Variants in RDX observed in about 807,000 individuals in gnomAD.
RDX encodes radixin.
A neutral mutation model predicts 83.7 loss-of-function variants in RDX; 32 were observed. That is an observed-to-expected ratio of 0.38 (90% CI 0.29 to 0.51). The LOEUF is 0.51. Among genes scored for constraint, RDX ranks in the 20% least tolerant of loss-of-function variants. The pLI is 0.87. For missense variants in RDX, 600 were observed against 689.9 expected (o/e 0.87, Z 1.46); for synonymous variants, 229 against 222.7 (o/e 1.03, Z -0.25).
At chr11:110,199,669 G>A in exon 15 of RDX, 1 of 702,998 alleles carries the variant, frequency 1.4e-6, no homozygotes, top group Non-Finnish European at 2.6e-6. Context: ...CATACAGTTT[G>A]GGTCCCCACC....
chr11:110,278,377 T>C (rs898060693), intron 2 of RDX, among the ~76,000 whole-genome samples: 1 of 152,164 alleles, frequency 6.6e-6, no homozygotes, highest in African/African-American at 2.4e-5. Flanking sequence ...AACACTTTTA[T>C]GGAGAACTGA....
downstream of RDX, among the ~76,000 whole-genome samples, chr11:110,226,191 A>G (rs1864430292): frequency 6.6e-6 from 1 of 152,238 alleles, no homozygotes. Flanking sequence ...TGTTCAAAGC[A>G]GCAATATTCA....
At chr11:110,292,740 T>TCAAGA (rs1861296865) in intron 1 of RDX, among the ~76,000 whole-genome samples, 1 of 152,094 alleles carries the variant, frequency 6.6e-6, no homozygotes, top group South Asian at 2.1e-4. Context: ...TACTAATAGC[T>TCAAGA]TTATAAATTC....
In RDX at chr11:110,180,159, C is replaced by T. The variant is rs11826652; in HGVS notation, c.*32-4925G>A. The stretch of plus-strand genomic sequence containing the variant: ...TCAAGTGATCTACCTGCCTTGGCCT[C>T]CCAAAGTGCTGAGATTACAGGCATG... On this transcript the variant is annotated intron_variant, in intron 15 of 15. Transcript: ENST00000528498. Among the ~76,000 whole-genome samples the T allele has an allele frequency of 9.3e-3, 1,410 of 152,212 alleles. 18 individuals carry two copies. Among genetic ancestry groups the T allele is most frequent in the African/African-American group, 0.031 (1,297 of 41,526 alleles).
chr11:110,275,224 G>A (rs1286137989), intron 2 of RDX, among the ~76,000 whole-genome samples: 2 of 152,140 alleles, frequency 1.3e-5, no homozygotes, highest in Non-Finnish European at 2.9e-5. Context: ...TCATGCTCAT[G>A]ATTATGTTGC....
At chr11:110,220,653 C>A (rs11827003) in intron 14 of RDX, among the ~76,000 whole-genome samples, 1 of 152,132 alleles carries the variant, frequency 6.6e-6, no homozygotes, top group Non-Finnish European at 1.5e-5. Context: ...CAGCTGCCAC[C>A]ACATTTGGCT....
At chr11:110,185,079 T>C (rs1194458620) in intron 15 of RDX, 1 of 152,198 alleles carries the variant, frequency 6.6e-6, no homozygotes, top group Non-Finnish European at 1.5e-5. Flanking sequence ...TCCATCATTA[T>C]TAAAAAGTCT....
chr11:110,260,169 A>G (rs1465173497), intron 5 of RDX, among the ~76,000 whole-genome samples: 1 of 151,806 alleles, frequency 6.6e-6, no homozygotes, highest in Non-Finnish European at 1.5e-5. Flanking sequence ...TATTTTTAGT[A>G]GAGACGGGGT....
At position 110,293,382 on chromosome 11, in the gene RDX, T is replaced by C. The variant is rs917845666; in HGVS notation, c.-65+3085A>G. ...TTTGCCATAAAATATATCACTTTTA[T>C]AGTTTTTTTTAAATGGCTTAAGCTA... is the stretch of plus-strand genomic sequence containing the variant. On this transcript the variant is annotated intron_variant, in intron 1 of 13. Transcript: ENST00000645495. Among the ~76,000 whole-genome samples, 12 of 152,280 alleles carry C rather than the reference T, an allele frequency of 7.9e-5. No homozygotes were observed. In the South Asian group the frequency reaches 2.3e-3, roughly 29 times the overall value.
chr11:110,270,186 A>G (rs777947898), intron 3 of RDX, among the ~76,000 whole-genome samples: 2 of 150,412 alleles, frequency 1.3e-5, no homozygotes, highest in Non-Finnish European at 3.0e-5. Flanking sequence ...ATGCATCGTT[A>G]GACAATTGCA....
chr11:110,264,639 A>T (rs1033538504), intron 4 of RDX, 140 bp downstream of exon 4: 6 of 586,228 alleles, frequency 1.0e-5, no homozygotes, highest in Non-Finnish European at 1.8e-5. Context: ...GATTGAATTT[A>T]AAAAAACATG....
downstream of RDX, among the ~76,000 whole-genome samples, chr11:110,225,015 C>T (rs1310851881): frequency 6.6e-6 from 1 of 152,182 alleles, no homozygotes; most frequent in Non-Finnish European, 1.5e-5. Flanking sequence ...ATTCAAGGCT[C>T]CATAAATTCC....
intron 15 of RDX, chr11:110,181,849 A>C (rs1025960827): frequency 6.6e-6 from 1 of 152,396 alleles, no homozygotes; most frequent in Admixed American, 6.5e-5. Flanking sequence ...CTGAAAAAAA[A>C]GGGGGCAGCT....
At chr11:110,247,943 C>T in intron 9 of RDX, 110 bp from the exon 10 acceptor site, 1 of 1,259,750 alleles carries the variant, frequency 7.9e-7, no homozygotes, top group Non-Finnish European at 1.1e-6. Context: ...TTTGCAGCAA[C>T]TTGGATGAAG....
intron 9 of RDX, among the ~76,000 whole-genome samples, chr11:110,251,790 T>C (rs555869742): frequency 8.5e-5 from 13 of 152,210 alleles, no homozygotes; most frequent in Non-Finnish European, 1.6e-4. Context: ...CCACTCATAG[T>C]GTATAAGGTC....
intron 14 of RDX, among the ~76,000 whole-genome samples, chr11:110,221,637 C>T (rs1864252548): frequency 6.6e-6 from 1 of 151,268 alleles, no homozygotes; most frequent in Non-Finnish European, 1.5e-5. Flanking sequence ...CACACACACA[C>T]ACACACACGA....
At chr11:110,198,164 G>C (rs936610063) in intron 15 of RDX, among the ~76,000 whole-genome samples, 1 of 151,954 alleles carries the variant, frequency 6.6e-6, no homozygotes, top group East Asian at 1.9e-4. Context: ...CCTTTAGCTA[G>C]AAGGAGGTTT....
intron 5 of RDX, 129 bp from the exon 6 acceptor site, chr11:110,258,318 T>C (rs929213026): frequency 1.8e-5 from 12 of 650,462 alleles, no homozygotes; most frequent in African/African-American, 3.7e-5. Flanking sequence ...CATGATGAAA[T>C]TGCATAGAAC....
chr11:110,295,870 G>T (rs1239430814), intron 1 of RDX, among the ~76,000 whole-genome samples: 3 of 152,238 alleles, frequency 2.0e-5, no homozygotes. Flanking sequence ...GGCCTGGCGG[G>T]TGCGAGCGGC....
Sources: gnomAD v4.1 joint callset for allele counts (sites outside exome capture counted in the v4.1 genomes callset) on GRCh38, gnomAD v4.1.1 for gene constraint, MANE v1.5 for transcripts, NCBI Gene and HGNC (gene_info 2026-07-23, HGNC 2026-07-21) for gene names.